Variants in PLXDC1 observed in about 807,000 individuals in gnomAD.
PLXDC1 encodes plexin domain-containing protein 1.
PLXDC1 carries 39 observed loss-of-function variants against 61.3 expected under a neutral mutation model. That is an observed-to-expected ratio of 0.64 (90% CI 0.49 to 0.83). PLXDC1 has a LOEUF of 0.83. Ranked by LOEUF, PLXDC1 falls within the 40% of genes least tolerant of loss-of-function variation. The pLI is 0.00. For synonymous variants in PLXDC1, 212 were observed against 254.5 expected (o/e 0.83, Z 1.59); for missense variants, 596 against 666.5 (o/e 0.89, Z 1.17).
chr17:39,151,752 T>A, upstream of PLXDC1: 1 of 207,520 alleles, frequency 4.8e-6, no homozygotes, highest in Non-Finnish European at 8.6e-6. This position sits in a 1 kb window ranked among gnomAD's most constrained non-coding sequence, Gnocchi z 5.2. Flanking sequence ...CCCTCAGCCC[T>A]AACGGAGCGC....
intron 1 of PLXDC1, among the ~76,000 whole-genome samples, chr17:39,143,899 G>A (rs1912011530): frequency 6.6e-6 from 1 of 152,216 alleles, no homozygotes; most frequent in Non-Finnish European, 1.5e-5. Flanking sequence ...TCTTGGGTGG[G>A]GCCCACAGCT....
At chr17:39,132,893 C>A (rs1463597299) in intron 2 of PLXDC1, among the ~76,000 whole-genome samples, 1 of 152,138 alleles carries the variant, frequency 6.6e-6, no homozygotes, top group Non-Finnish European at 1.5e-5. Flanking sequence ...CAGAGGGTCC[C>A]AGAGCCTGGT....
chr17:39,106,648 CTTTCTT>C (rs1205979152), intron 6 of PLXDC1, among the ~76,000 whole-genome samples: 12 of 122,584 alleles, frequency 9.8e-5, no homozygotes, highest in African/African-American at 4.2e-4. Flanking sequence ...TTTTCTTTTT[CTTTCTT>C]TTTTTTTTTT....
chr17:39,086,810 C>T (rs1159300646), intron 8 of PLXDC1, among the ~76,000 whole-genome samples: 1 of 133,042 alleles, frequency 7.5e-6, no homozygotes, highest in African/African-American at 2.9e-5. Context: ...TGCAGTGAGC[C>T]GAGATCACAC....
intron 8 of PLXDC1, among the ~76,000 whole-genome samples, chr17:39,087,105 G>A (rs988709148): frequency 6.6e-6 from 1 of 152,214 alleles, no homozygotes; most frequent in African/African-American, 2.4e-5. Flanking sequence ...CCTTCAGCAT[G>A]GGTGAGTGGG....
In PLXDC1 at chr17:39,089,858, G is replaced by A. The variant is rs541384982; in HGVS notation, c.812-2156C>T. ...TGTCACCCAGGCTGGAGTGCAGTGGGATGATCTCGGCTCACTGCAACCTCT... is the reference window on the plus strand; with the variant it reads ...TGTCACCCAGGCTGGAGTGCAGTGGAATGATCTCGGCTCACTGCAACCTCT... On this transcript the variant is annotated intron_variant, in intron 7 of 13. Coordinates refer to ENST00000315392, the MANE Select transcript of PLXDC1 (RefSeq NM_020405.5). Among the ~76,000 whole-genome samples the A allele has an allele frequency of 1.1e-4, 17 of 152,144 alleles. No homozygotes were observed. The East Asian group carries it at 3.1e-3, about 28-fold the overall frequency.
At chr17:39,132,933 A>T (rs1911612611) in intron 2 of PLXDC1, among the ~76,000 whole-genome samples, 1 of 152,174 alleles carries the variant, frequency 6.6e-6, no homozygotes, top group Admixed American at 6.5e-5. Flanking sequence ...CTGTGATACC[A>T]GATGAACAGA....
chr17:39,132,257 C>A (rs1323136728), intron 2 of PLXDC1, among the ~76,000 whole-genome samples: 1 of 152,144 alleles, frequency 6.6e-6, no homozygotes, highest in African/African-American at 2.4e-5. Context: ...CCCTTTCCAG[C>A]CTCTTTGAGA....
intron 12 of PLXDC1, among the ~76,000 whole-genome samples, chr17:39,071,323 G>C (rs1424350000): frequency 7.0e-6 from 1 of 142,138 alleles, no homozygotes; most frequent in Non-Finnish European, 1.5e-5. Flanking sequence ...AGAGAAGACA[G>C]ATGAGCAGGT....
At chr17:39,146,926 G>A (rs2045345826) in intron 1 of PLXDC1, among the ~76,000 whole-genome samples, 2 of 146,942 alleles carry the variant, frequency 1.4e-5, no homozygotes, top group African/African-American at 5.0e-5. Flanking sequence ...GGGCCAATTC[G>A]AAGACCCTCA....
chr17:39,109,058 AG>A, intron 3 of PLXDC1, 85 bp from the exon 4 acceptor site: 1 of 1,298,990 alleles, frequency 7.7e-7, no homozygotes, highest in Non-Finnish European at 1.1e-6. Flanking sequence ...TTGTTTGGAC[AG>A]AGTGGGGAGC....
At position 39,083,476 on chromosome 17, in the gene PLXDC1, C is replaced by A. The variant is rs766537787; in HGVS notation, c.972G>T (p.Trp324Cys). The A allele has an allele frequency of 3.1e-6, 5 of 1,613,734 alleles. No homozygotes were observed. In the Admixed American group the frequency reaches 8.3e-5, roughly 27 times the overall value. ...MSSDLTFNCS[W>C]CHVLQRCSSG... ...GCACAAACCTCTGGAGGACATGGCA[C>A]CAGCTGCAGTTGAAGGTCAGGTCTG... The change falls in exon 9 of 14, where the codon TGG becomes TGT. Residue 324 changes from tryptophan to cysteine, a missense_variant. Physicochemically the swap from Trp to Cys is radical, Grantham distance 215. Transcript: ENST00000315392.
intron 2 of PLXDC1, among the ~76,000 whole-genome samples, chr17:39,125,414 T>C (rs953228868): frequency 6.6e-6 from 1 of 151,796 alleles, no homozygotes; most frequent in African/African-American, 2.4e-5. Flanking sequence ...GGACTGGCAT[T>C]GGGGGTATTA....
At chr17:39,081,446 T>C in intron 9 of PLXDC1, 1 of 134,800 alleles carries the variant, frequency 7.4e-6, no homozygotes, top group Non-Finnish European at 1.6e-5. Flanking sequence ...AAACCTCATC[T>C]CTACTAAAAA....
At chr17:39,135,132 C>T (rs535648996) in intron 2 of PLXDC1, among the ~76,000 whole-genome samples, 9 of 152,356 alleles carry the variant, frequency 5.9e-5, no homozygotes, top group African/African-American at 1.9e-4. Context: ...ATGAGGCCTT[C>T]GGGTTCCTGA....
intron 7 of PLXDC1, among the ~76,000 whole-genome samples, chr17:39,090,562 C>T (rs111457048): frequency 0.034 from 5,187 of 152,272 alleles, 120 homozygotes; most frequent in African/African-American, 0.041. Context: ...CTGCCCTTAC[C>T]GCCTGTGTGA....
intron 1 of PLXDC1, among the ~76,000 whole-genome samples, chr17:39,141,355 C>CT: frequency 6.6e-6 from 1 of 152,292 alleles, no homozygotes; most frequent in African/African-American, 2.4e-5. Flanking sequence ...TTTGACTACT[C>CT]TAAGTATCTC....
At chr17:39,117,383 T>C (rs371441618) in intron 2 of PLXDC1, among the ~76,000 whole-genome samples, 4 of 152,320 alleles carry the variant, frequency 2.6e-5, no homozygotes, top group African/African-American at 7.2e-5. Context: ...ATTCCTATTG[T>C]ACAAGGCTGT....
chr17:39,126,868 G>T (rs1329502863), intron 2 of PLXDC1: 2 of 152,064 alleles, frequency 1.3e-5, no homozygotes, highest in Admixed American at 1.3e-4. Context: ...ACAAAACAAC[G>T]GTGACCACAA....
Sources: gnomAD v4.1 joint callset for allele counts (sites outside exome capture counted in the v4.1 genomes callset) on GRCh38, gnomAD v4.1.1 for gene constraint, Gnocchi (gnomAD v3.1) non-coding constraint, MANE v1.5 for transcripts, NCBI Gene and HGNC (gene_info 2026-07-23, HGNC 2026-07-21) for gene names.